The following DGKI variants were observed in gnomAD, a reference collection of about 807,000 sequenced individuals.
DGKI encodes diacylglycerol kinase iota, also known as DAG kinase iota.
DGKI carries 55 observed loss-of-function variants against 147.5 expected under a neutral mutation model. That is an observed-to-expected ratio of 0.37 (90% CI 0.30 to 0.47). The LOEUF is 0.47. Among genes scored for constraint, DGKI ranks in the 20% least tolerant of loss-of-function variants. The pLI is 1.00. For synonymous variants in DGKI, 469 were observed against 477.1 expected (o/e 0.98, Z 0.22); for missense variants, 1,007 against 1,323.8 (o/e 0.76, Z 3.71).
chr7:137,511,940 AG>A (rs1816593766), intron 21 of DGKI, among the ~76,000 whole-genome samples: 2 of 152,170 alleles, frequency 1.3e-5, no homozygotes, highest in African/African-American at 2.4e-5. Flanking sequence ...CCAGGTCCAA[AG>A]GTCCCTGTGG....
chr7:137,788,571 C>T (rs1353287934), intron 1 of DGKI, among the ~76,000 whole-genome samples: 1 of 151,918 alleles, frequency 6.6e-6, no homozygotes, highest in East Asian at 1.9e-4. Flanking sequence ...GACTCCTCGC[C>T]TGTATATCTC....
At chr7:137,482,248 C>G (rs112405056) in intron 23 of DGKI, among the ~76,000 whole-genome samples, 3 of 152,048 alleles carry the variant, frequency 2.0e-5, no homozygotes, top group African/African-American at 7.2e-5. Flanking sequence ...ATACATTTCA[C>G]TCTTGGCTTT....
rs1338438486 is a variant in DGKI, at chr7:137,618,134, TATATATATATATATA to T, written c.993+1675_993+1689del. 8.2e-3 allele frequency among the ~76,000 whole-genome samples: 70 copies of T among 8,528 alleles called. 8 individuals are homozygous for T. Among genetic ancestry groups the T allele is most frequent in the Non-Finnish European group, 3.8e-3 (13 of 3,418 alleles). The allele number at this position is 8,528 out of a possible 152,430, so 5.6% of individuals were successfully genotyped here. ...TTGTTTCTTTCTAAAATACTATATA[TATATATATATATATA>T]TATTTTTTTTTTTTTACTCTATCAT... On this transcript the variant is annotated intron_variant, in intron 8 of 32. Coordinates refer to ENST00000614521, the MANE Select transcript of DGKI (RefSeq NM_001321708.2).
At chr7:137,456,795 T>G (rs1323952526) in intron 27 of DGKI, among the ~76,000 whole-genome samples, 1 of 152,216 alleles carries the variant, frequency 6.6e-6, no homozygotes, top group East Asian at 1.9e-4. Context: ...TAAGTTTGTT[T>G]GTTTTTCTTT....
intron 29 of DGKI, among the ~76,000 whole-genome samples, chr7:137,408,439 T>C (rs190676105): frequency 2.3e-4 from 35 of 152,346 alleles, no homozygotes; most frequent in Non-Finnish European, 3.4e-4. Flanking sequence ...CTTCAGTTTT[T>C]CTTCAGTCTT....
At chr7:137,438,520 T>C (rs1813370038) in intron 28 of DGKI, among the ~76,000 whole-genome samples, 1 of 152,134 alleles carries the variant, frequency 6.6e-6, no homozygotes, top group African/African-American at 2.4e-5. Flanking sequence ...AACAACATGT[T>C]ATAATGCTAT....
intron 1 of DGKI, among the ~76,000 whole-genome samples, chr7:137,696,431 CTTTTTT>C (rs10609322): frequency 2.8e-3 from 102 of 36,674 alleles, no homozygotes; most frequent in South Asian, 7.7e-3. Flanking sequence ...GCCCAAAAGA[CTTTTTT>C]TTTTTTTTTT....
intron 20 of DGKI, among the ~76,000 whole-genome samples, chr7:137,527,272 C>T (rs546006245): frequency 7.2e-5 from 11 of 152,256 alleles, no homozygotes; most frequent in Non-Finnish European, 1.3e-4. Flanking sequence ...ATCGCCCTAG[C>T]GCTTCTGCAA....
At chr7:137,531,448 G>T (rs1048989052) in intron 20 of DGKI, among the ~76,000 whole-genome samples, 13 of 152,126 alleles carry the variant, frequency 8.5e-5, no homozygotes, top group African/African-American at 2.4e-4. Flanking sequence ...CTCACAGCAT[G>T]GAGAATTCTT....
chr7:137,658,140 G>A (rs1822289821), intron 3 of DGKI, among the ~76,000 whole-genome samples: 1 of 152,144 alleles, frequency 6.6e-6, no homozygotes, highest in African/African-American at 2.4e-5. Flanking sequence ...CTACTGAACA[G>A]TGTCTTGTTC....
chr7:137,624,990 C>T (rs1190256899), intron 6 of DGKI, among the ~76,000 whole-genome samples: 1 of 152,204 alleles, frequency 6.6e-6, no homozygotes, highest in Non-Finnish European at 1.5e-5. Context: ...ACAACCAGGA[C>T]TGGTTTCACT....
intron 28 of DGKI, among the ~76,000 whole-genome samples, chr7:137,438,311 T>G (rs1813360695): frequency 6.6e-6 from 1 of 152,060 alleles, no homozygotes; most frequent in Non-Finnish European, 1.5e-5. Flanking sequence ...AAATGGCCCA[T>G]AAGTATATGA....
In DGKI at chr7:137,841,782, A is replaced by G. The variant is rs112412866; in HGVS notation, c.401+4680T>C. Among the ~76,000 whole-genome samples, 1,051 of 152,302 alleles carry G rather than the reference A, an allele frequency of 6.9e-3. 10 individuals carry two copies. The highest frequency in any genetic ancestry group is 0.024 in the African/African-American group (1,012 of 41,538). ...GAACCCTCATTTCCTCAGACTAGAA[A>G]GTGCGGTGTTGGAAAGAGCTAGCTC... is the stretch of plus-strand genomic sequence containing the variant. On this transcript the variant is annotated intron_variant, in intron 1 of 32. Transcript: ENST00000614521.
At chr7:137,494,271 T>C (rs1815880289) in intron 21 of DGKI, among the ~76,000 whole-genome samples, 2 of 152,256 alleles carry the variant, frequency 1.3e-5, no homozygotes. Flanking sequence ...CATGAAAATT[T>C]CCCCAACCTT....
At position 137,412,924 on chromosome 7, in the gene DGKI, G is replaced by GAAA. The variant is rs796172549; in HGVS notation, c.2762-720_2762-718dup. On this transcript the variant is annotated intron_variant, in intron 28 of 32. Transcript: ENST00000614521. ...ACTTTTAGGAATACGTAGCCTTAGGGAAAAAAAAATATACGTGTCTAATGA... is the reference window on the plus strand; with the variant it reads ...ACTTTTAGGAATACGTAGCCTTAGGGAAAAAAAAAAAATATACGTGTCTAATGA... 4.0e-5 allele frequency among the ~76,000 whole-genome samples: 6 copies of GAAA among 151,422 alleles called. No individual in the cohort carries two copies. The South Asian group carries it at 8.4e-4, about 21-fold the overall frequency.
chr7:137,711,921 T>G (rs1235951747), intron 1 of DGKI, among the ~76,000 whole-genome samples: 2 of 151,882 alleles, frequency 1.3e-5, no homozygotes, highest in African/African-American at 2.4e-5. Flanking sequence ...CTCAATCTCT[T>G]GATCTCGTGA....
intron 20 of DGKI, among the ~76,000 whole-genome samples, chr7:137,526,821 C>A (rs1200502714): frequency 1.3e-5 from 2 of 152,104 alleles, no homozygotes; most frequent in African/African-American, 2.4e-5. Context: ...AAACGTCTTC[C>A]TCCTTTTGAT....
chr7:137,534,038 A>G (rs1817434550), intron 20 of DGKI, among the ~76,000 whole-genome samples: 1 of 152,142 alleles, frequency 6.6e-6, no homozygotes, highest in Non-Finnish European at 1.5e-5. Flanking sequence ...GTGTTATGAG[A>G]GACCAGCAAA....
At position 137,397,453 on chromosome 7, in the gene DGKI, T is replaced by G. The variant is rs754181876; in HGVS notation, c.2921-40A>C. The G allele has an allele frequency of 6.3e-6, 10 of 1,594,872 alleles. No homozygotes were observed. The Admixed American group carries it at 1.2e-4, about 19-fold the overall frequency. ...AGCAAGATGACCGTCAAAAATAAGC[T>G]CAAAAACTAAACATTAACAGAAAAT... On this transcript the variant is annotated intron_variant, in intron 30 of 32. Transcript: ENST00000614521.
Sources: gnomAD v4.1 joint callset for allele counts (sites outside exome capture counted in the v4.1 genomes callset) on GRCh38, gnomAD v4.1.1 for gene constraint, MANE v1.5 for transcripts, NCBI Gene and HGNC (gene_info 2026-07-23, HGNC 2026-07-21) for gene names.